Variants in SNX25 observed in about 807,000 individuals in gnomAD.
SNX25 encodes the protein sorting nexin 25, also known as sorting nexin-25.
SNX25 carries 62 observed loss-of-function variants against 113.7 expected under a neutral mutation model. The observed-to-expected ratio is 0.55, with a 90% CI of 0.44 to 0.67. The LOEUF is 0.67. Ranked by LOEUF, SNX25 falls within the 30% of genes least tolerant of loss-of-function variation. The pLI is 0.00. For synonymous variants in SNX25, 421 were observed against 436.2 expected (o/e 0.97, Z 0.43); for missense variants, 1,014 against 1,161.0 (o/e 0.87, Z 1.84).
chr4:185,350,232 C>T (rs1280133407), intron 13 of SNX25, among the ~76,000 whole-genome samples: 1 of 152,158 alleles, frequency 6.6e-6, no homozygotes, highest in African/African-American at 2.4e-5. Flanking sequence ...GGTCATTAGC[C>T]ATCTAAACAA....
chr4:185,247,020 C>A (rs1744953590), intron 1 of SNX25, among the ~76,000 whole-genome samples: 1 of 152,146 alleles, frequency 6.6e-6, no homozygotes, highest in Non-Finnish European at 1.5e-5. Flanking sequence ...TATATAGCTA[C>A]ATCGGTTTGT....
chr4:185,324,592 G>A (rs1285925437), intron 9 of SNX25, among the ~76,000 whole-genome samples: 1 of 152,102 alleles, frequency 6.6e-6, no homozygotes, highest in African/African-American at 2.4e-5. Context: ...AGGTTATCTC[G>A]GGGCTGGCTT....
At chr4:185,335,838 CA>C (rs1223472008) in intron 10 of SNX25, among the ~76,000 whole-genome samples, 1 of 152,114 alleles carries the variant, frequency 6.6e-6, no homozygotes, top group Non-Finnish European at 1.5e-5. Context: ...CACCTGCCCT[CA>C]AGGAGCAAAT....
At chr4:185,349,361 T>G (rs1217281571) in intron 13 of SNX25, among the ~76,000 whole-genome samples, 1 of 152,222 alleles carries the variant, frequency 6.6e-6, no homozygotes, top group African/African-American at 2.4e-5. Context: ...TTATAAATAG[T>G]GCTGCTTTAA....
intron 9 of SNX25, among the ~76,000 whole-genome samples, chr4:185,325,101 A>G (rs547125401): frequency 1.3e-5 from 2 of 152,302 alleles, no homozygotes; most frequent in African/African-American, 4.8e-5. Flanking sequence ...TTAGCTTTTT[A>G]GCCCTTTCTT....
intron 1 of SNX25, among the ~76,000 whole-genome samples, chr4:185,240,301 G>C (rs1366358601): frequency 2.0e-5 from 3 of 152,156 alleles, no homozygotes; most frequent in South Asian, 2.1e-4. Flanking sequence ...CAGATGGGGT[G>C]GTGGCCGGGC....
intron 12 of SNX25, among the ~76,000 whole-genome samples, chr4:185,342,923 C>T (rs1219212509): frequency 6.6e-6 from 1 of 152,124 alleles, no homozygotes. Context: ...CGGAGTCCTG[C>T]TCTGTCGCCC....
intron 13 of SNX25, among the ~76,000 whole-genome samples, chr4:185,350,158 C>G: frequency 6.6e-6 from 1 of 152,172 alleles, no homozygotes; most frequent in East Asian, 1.9e-4. Context: ...CCCCTTGTCC[C>G]CAGCGGGGCA....
chr4:185,378,264 A>C, the SNX25 span: 1 of 1,589,898 alleles, frequency 6.3e-7, no homozygotes, highest in Non-Finnish European at 8.5e-7. Flanking sequence ...CGAAGTGCAA[A>C]GAGAGACTCT....
At chr4:185,356,849 G>A (rs1275968612) in intron 15 of SNX25, among the ~76,000 whole-genome samples, 3 of 152,112 alleles carry the variant, frequency 2.0e-5, no homozygotes, top group African/African-American at 7.2e-5. Flanking sequence ...TTTTGGTTTA[G>A]GTTCCAATTT....
Position 185,339,389 on chromosome 4 carries a change from AG to A in SNX25, c.1926del (p.Lys642AsnfsTer2), listed in dbSNP as rs1436038854. The A allele has an allele frequency of 1.2e-6, 2 of 1,613,750 alleles. No homozygotes were observed. The highest frequency in any genetic ancestry group is 3.3e-5 in the Admixed American group (2 of 59,980). On this transcript the variant is annotated frameshift_variant, in exon 11 of 19. Transcript: ENST00000652585. LOFTEE classifies it high-confidence loss of function. ...TTTTCCCTGTGGCAGATTGTTTCCAAGTTGAAGGATGAAATAATCCTAATAG... is the reference window on the plus strand; with the variant it reads ...TTTTCCCTGTGGCAGATTGTTTCCAATTGAAGGATGAAATAATCCTAATAG... Reference protein sequence around the residue: ...APKPDKKIVSKLKDEIILIEK... With the variant: ...APKPDKKIVSXLKDEIILIEK...
the SNX25 span, chr4:185,376,860 C>T: frequency 1.5e-6 from 2 of 1,374,582 alleles, no homozygotes; most frequent in Non-Finnish European, 2.1e-6. Flanking sequence ...GTCTGAGGAT[C>T]TAACAACAGA....
intron 9 of SNX25, among the ~76,000 whole-genome samples, chr4:185,325,063 G>T (rs530401660): frequency 6.6e-6 from 1 of 152,310 alleles, no homozygotes; most frequent in East Asian, 1.9e-4. Flanking sequence ...TCCAAACCAA[G>T]AATCTGTTTG....
At chr4:185,284,339 C>CAATAT (rs1751051208) in intron 5 of SNX25, among the ~76,000 whole-genome samples, 1 of 152,010 alleles carries the variant, frequency 6.6e-6, no homozygotes, top group South Asian at 2.1e-4. Flanking sequence ...TTTAAAACAG[C>CAATAT]AATATGAAAG....
chr4:185,334,371 T>C lies in SNX25; in HGVS notation c.1914+1612T>C, dbSNP rs148901024. Among the ~76,000 whole-genome samples the C allele has an allele frequency of 1.3e-5, 2 of 152,292 alleles. No homozygotes were observed. The highest frequency in any genetic ancestry group is 1.9e-4 in the East Asian group (1 of 5,176). On this transcript the variant is annotated intron_variant, in intron 10 of 18. Coordinates refer to ENST00000652585, the MANE Select transcript of SNX25 (RefSeq NM_001378034.2). This position sits in a 1 kb window ranked among gnomAD's most constrained non-coding sequence, Gnocchi z 4.2. The stretch of plus-strand genomic sequence containing the variant: ...TCAATAAAAAATAAGAGAGCGTTAA[T>C]GGTATTCTGAAAAGGAAACAAATGG...
At chr4:185,365,063 T>C (rs1335288328), downstream of SNX25, 2 of 152,062 alleles carry the variant, frequency 1.3e-5, no homozygotes, top group African/African-American at 4.8e-5. Context: ...TCTGGAAGTC[T>C]CAATGCACTC....
rs1212356719 is a variant in SNX25, at chr4:185,232,128, A to C, written c.430-15166A>C. On this transcript the variant is annotated intron_variant, in intron 1 of 18. Coordinates refer to ENST00000652585, the MANE Select transcript of SNX25 (RefSeq NM_001378034.2). This position sits in a 1 kb window ranked among gnomAD's most constrained non-coding sequence, Gnocchi z 4.4. Reference sequence around the variant, plus strand: ...AAAACACACTCACCCGTCTAAACCCAAAGAATGGACTCAGAGACATGAAGA... The same window carrying C: ...AAAACACACTCACCCGTCTAAACCCCAAGAATGGACTCAGAGACATGAAGA... Among the ~76,000 whole-genome samples the C allele has an allele frequency of 1.3e-5, 2 of 152,176 alleles. No homozygotes were observed. Among genetic ancestry groups the C allele is most frequent in the East Asian group, 1.9e-4 (1 of 5,196 alleles).
At chr4:185,331,211 A>G (rs892690203) in intron 9 of SNX25, among the ~76,000 whole-genome samples, 1 of 152,214 alleles carries the variant, frequency 6.6e-6, no homozygotes, top group Non-Finnish European at 1.5e-5. Context: ...ACGTTTATGC[A>G]TGATAGTATT....
chr4:185,262,509 G>A (rs1747467203), intron 3 of SNX25, among the ~76,000 whole-genome samples: 1 of 152,008 alleles, frequency 6.6e-6, no homozygotes. Context: ...TTTCATCTTT[G>A]TAATTTCTGA....
Sources: allele counts gnomAD v4.1 joint callset (sites outside exome capture counted in the v4.1 genomes callset), GRCh38; gene constraint gnomAD v4.1.1; non-coding constraint Gnocchi (gnomAD v3.1); transcripts MANE v1.5; gene names NCBI Gene and HGNC (gene_info 2026-07-23, HGNC 2026-07-21).